TCF7L1: variants seen among roughly 807,000 people sequenced by gnomAD.
The protein encoded by TCF7L1 is transcription factor 7-like 1.
A neutral mutation model predicts 63.7 loss-of-function variants in TCF7L1; 18 were observed. The observed-to-expected ratio is 0.28, with a 90% CI of 0.20 to 0.42. TCF7L1 has a LOEUF of 0.42. Among genes scored for constraint, TCF7L1 ranks in the 10% least tolerant of loss-of-function variants. The pLI is 1.00. For synonymous variants in TCF7L1, 355 were observed against 340.9 expected (o/e 1.04, Z -0.46); for missense variants, 654 against 779.3 (o/e 0.84, Z 1.91).
intron 3 of TCF7L1, among the ~76,000 whole-genome samples, chr2:85,266,806 C>T (rs1006473969): frequency 6.6e-6 from 1 of 152,196 alleles, no homozygotes; most frequent in Non-Finnish European, 1.5e-5. Flanking sequence ...TATTTCATCC[C>T]CTTCCAATTA....
At chr2:85,147,561 A>T (rs1677910338) in intron 3 of TCF7L1, among the ~76,000 whole-genome samples, 9 of 151,478 alleles carry the variant, frequency 5.9e-5, no homozygotes. Context: ...GAGGGAGGGG[A>T]GCCCCAGTCC....
intron 3 of TCF7L1, among the ~76,000 whole-genome samples, chr2:85,185,998 G>A (rs372270912): frequency 2.3e-5 from 3 of 129,016 alleles, no homozygotes; most frequent in South Asian, 2.4e-4. Flanking sequence ...ACGGAGTCTC[G>A]CTCTGTCGCC....
chr2:85,288,038 C>T (rs1681604258), intron 4 of TCF7L1, among the ~76,000 whole-genome samples: 1 of 152,026 alleles, frequency 6.6e-6, no homozygotes, highest in African/African-American at 2.4e-5. Flanking sequence ...AAAATAAGTC[C>T]TCAATAACTA....
intron 3 of TCF7L1, among the ~76,000 whole-genome samples, chr2:85,232,547 C>G (rs988734685): frequency 1.3e-5 from 2 of 152,234 alleles, no homozygotes; most frequent in South Asian, 2.1e-4. Flanking sequence ...CTTGTTGACC[C>G]CTTTGCATGA....
At chr2:85,229,561 A>T (rs1187615224) in intron 3 of TCF7L1, among the ~76,000 whole-genome samples, 3 of 152,340 alleles carry the variant, frequency 2.0e-5, no homozygotes, top group South Asian at 2.1e-4. Context: ...GGGGGAGCAC[A>T]TTCAGAGGGG....
intron 3 of TCF7L1, among the ~76,000 whole-genome samples, chr2:85,227,369 G>C (rs975726486): frequency 2.0e-5 from 3 of 151,776 alleles, no homozygotes; most frequent in African/African-American, 4.8e-5. Context: ...AACAACGCCT[G>C]GGTTTTTTGG....
chr2:85,160,312 AG>A (rs1407054985), intron 3 of TCF7L1, among the ~76,000 whole-genome samples: 19 of 152,132 alleles, frequency 1.2e-4, no homozygotes, highest in Non-Finnish European at 1.5e-5. Context: ...TGTAGGATAA[AG>A]ACATGCAAAT....
At chr2:85,224,093 C>G (rs1334093731) in intron 3 of TCF7L1, among the ~76,000 whole-genome samples, 1 of 152,188 alleles carries the variant, frequency 6.6e-6, no homozygotes, top group Non-Finnish European at 1.5e-5. Flanking sequence ...CAGCTTCATC[C>G]ATGTCCCTGC....
At chr2:85,287,849 T>A (rs1681600674) in intron 4 of TCF7L1, among the ~76,000 whole-genome samples, 1 of 152,138 alleles carries the variant, frequency 6.6e-6, no homozygotes, top group Non-Finnish European at 1.5e-5. Flanking sequence ...ATAATACACT[T>A]GGTTGCAATC....
At chr2:85,158,590 A>G (rs1243081490) in intron 3 of TCF7L1, among the ~76,000 whole-genome samples, 1 of 152,228 alleles carries the variant, frequency 6.6e-6, no homozygotes, top group Non-Finnish European at 1.5e-5. Flanking sequence ...TGCCAAAATC[A>G]TGATAGCTCA....
intron 3 of TCF7L1, among the ~76,000 whole-genome samples, chr2:85,189,248 G>T (rs186122599): frequency 4.3e-4 from 66 of 152,174 alleles, no homozygotes; most frequent in African/African-American, 1.5e-3. Context: ...AGTGACACAA[G>T]AATTGGGACT....
intron 4 of TCF7L1, among the ~76,000 whole-genome samples, chr2:85,295,495 C>G (rs188004275): frequency 3.3e-5 from 5 of 152,162 alleles, no homozygotes; most frequent in Non-Finnish European, 5.9e-5. Flanking sequence ...GCCACCGTGC[C>G]TGGCCACTTT....
Position 85,134,586 on chromosome 2 carries a change from C to G in TCF7L1, c.441+136C>G, listed in dbSNP as rs1437623402. On this transcript the variant is annotated intron_variant, in intron 3 of 11. Transcript: ENST00000282111. The surrounding 1 kb of genome is among the most constrained non-coding windows in gnomAD (Gnocchi z 5.0). ...AGAACTTGTTTGCGGAGTTGAACTACTCTCTGGCGGCCGAGCGCGAGGCTG... is the reference window on the plus strand; with the variant it reads ...AGAACTTGTTTGCGGAGTTGAACTAGTCTCTGGCGGCCGAGCGCGAGGCTG... 3.9e-6 allele frequency: 5 copies of G among 1,286,958 alleles called. No homozygotes were observed. 79.7% of individuals were successfully genotyped at this position (1,286,958 alleles called of 1,614,324 possible).
chr2:85,249,231 A>C (rs1188065311), intron 3 of TCF7L1, among the ~76,000 whole-genome samples: 1 of 152,232 alleles, frequency 6.6e-6, no homozygotes, highest in African/African-American at 2.4e-5. Context: ...GGAACCCAGC[A>C]GGAGAACCAG....
intron 3 of TCF7L1, among the ~76,000 whole-genome samples, chr2:85,159,547 G>A (rs1678232457): frequency 6.6e-6 from 1 of 152,242 alleles, no homozygotes; most frequent in Non-Finnish European, 1.5e-5. Flanking sequence ...CTGAGGGAAT[G>A]TGAAAGGAAA....
chr2:85,200,760 A>T, intron 3 of TCF7L1, among the ~76,000 whole-genome samples: 1 of 152,186 alleles, frequency 6.6e-6, no homozygotes. Flanking sequence ...TACTGGAATA[A>T]GCAGTTTACT....
At chr2:85,279,000 G>A (rs992485488) in intron 3 of TCF7L1, among the ~76,000 whole-genome samples, 1 of 152,224 alleles carries the variant, frequency 6.6e-6, no homozygotes, top group African/African-American at 2.4e-5. Context: ...CCCCCAGGAG[G>A]GAGGTGGCTG....
chr2:85,302,109 C>T (rs747017193), intron 4 of TCF7L1, among the ~76,000 whole-genome samples: 1 of 151,860 alleles, frequency 6.6e-6, no homozygotes, highest in Non-Finnish European at 1.5e-5. Flanking sequence ...GCCTGGGTGA[C>T]AGAGCAAGAC....
chr2:85,212,089 CAAAAAAAAAAAAAA>C (rs61280306), intron 3 of TCF7L1, among the ~76,000 whole-genome samples: 13 of 69,820 alleles, frequency 1.9e-4, no homozygotes, highest in African/African-American at 5.9e-4. Context: ...GACTCCATCT[CAAAAAAAAAAAAAA>C]AAAAAAAAAA....
Sources: gnomAD v4.1 joint callset for allele counts (sites outside exome capture counted in the v4.1 genomes callset) on GRCh38, gnomAD v4.1.1 for gene constraint, Gnocchi (gnomAD v3.1) non-coding constraint, MANE v1.5 for transcripts, NCBI Gene and HGNC (gene_info 2026-07-23, HGNC 2026-07-21) for gene names.